The following CTNNA3 variants were observed in gnomAD, a reference collection of about 807,000 sequenced individuals.
The protein encoded by CTNNA3 is catenin alpha 3, also known as catenin alpha-3.
A neutral mutation model predicts 95.7 loss-of-function variants in CTNNA3; 76 were observed. The ratio of observed to expected loss-of-function variants is 0.79; its 90% CI spans 0.66 to 0.96. CTNNA3 has a LOEUF of 0.96. Ranked by LOEUF, CTNNA3 falls within the 40% of genes least tolerant of loss-of-function variation. The pLI is 0.00. For missense variants in CTNNA3, 1,191 were observed against 1,089.8 expected (o/e 1.09, Z -1.31); for synonymous variants, 431 against 374.4 (o/e 1.15, Z -1.74).
intron 7 of CTNNA3, among the ~76,000 whole-genome samples, chr10:67,007,126 G>T (rs975126903): frequency 9.9e-5 from 15 of 152,022 alleles, no homozygotes; most frequent in Admixed American, 3.3e-4. Flanking sequence ...ATTGCTTATT[G>T]GTTCTTCACT....
chr10:67,526,153 C>T lies in CTNNA3; in HGVS notation c.460-4192G>A, dbSNP rs1365669470. 9.2e-5 allele frequency among the ~76,000 whole-genome samples: 14 copies of T among 152,190 alleles called. No individual in the cohort carries two copies. In the East Asian group the frequency reaches 2.7e-3, roughly 29 times the overall value. ...GTTTTAAGCATAAGAAATAGCTAAT[C>T]TACCTTACTTAAATATGGCAACCAC... is the stretch of plus-strand genomic sequence containing the variant. On this transcript the variant is annotated intron_variant, in intron 4 of 17. Transcript: ENST00000433211.
chr10:67,714,036 G>T (rs1308000062), intron 1 of CTNNA3, among the ~76,000 whole-genome samples: 2 of 152,192 alleles, frequency 1.3e-5, no homozygotes, highest in African/African-American at 4.8e-5. Flanking sequence ...CCACCAGGCA[G>T]AAGTTTGCTG....
intron 13 of CTNNA3, among the ~76,000 whole-genome samples, chr10:66,210,459 T>C (rs892846899): frequency 6.6e-6 from 1 of 152,086 alleles, no homozygotes; most frequent in African/African-American, 2.4e-5. Flanking sequence ...GCCCAAGTTA[T>C]TACATAATGT....
In CTNNA3 at chr10:66,176,422, G is replaced by T. The variant is rs536650419; in HGVS notation, c.1885-73173C>A. On this transcript the variant is annotated intron_variant, in intron 13 of 17. Transcript: ENST00000433211. ...CTGCAAATAGTTTCTTATGAAAAAA[G>T]ATGCTCTTACATAAAAGGAACTATT... 5.9e-5 allele frequency among the ~76,000 whole-genome samples: 9 copies of T among 151,880 alleles called. No individual in the cohort carries two copies. The South Asian group carries it at 1.7e-3, about 28-fold the overall frequency.
chr10:67,640,377 A>T (rs1396571228), intron 2 of CTNNA3, among the ~76,000 whole-genome samples: 2 of 152,240 alleles, frequency 1.3e-5, no homozygotes, highest in African/African-American at 4.8e-5. Context: ...ATGGAAGAAC[A>T]TTCCATGCTC....
chr10:66,819,816 T>G (rs61868496), intron 7 of CTNNA3, among the ~76,000 whole-genome samples: 6,817 of 152,206 alleles, frequency 0.045, 238 homozygotes, highest in Non-Finnish European at 0.062. Flanking sequence ...TGACTATAAT[T>G]TAAAACACAG....
intron 11 of CTNNA3, among the ~76,000 whole-genome samples, chr10:66,381,966 A>G (rs1018168914): frequency 5.9e-5 from 9 of 152,306 alleles, no homozygotes; most frequent in African/African-American, 1.9e-4. Context: ...TCACCTAACC[A>G]AGATGGCCAA....
intron 7 of CTNNA3, among the ~76,000 whole-genome samples, chr10:66,858,645 C>A (rs539393889): frequency 6.6e-6 from 1 of 152,004 alleles, no homozygotes; most frequent in Non-Finnish European, 1.5e-5. Flanking sequence ...TTCTATGTTT[C>A]CAAAAATTTA....
At chr10:67,272,498 A>G (rs1322854485) in intron 5 of CTNNA3, among the ~76,000 whole-genome samples, 1 of 152,204 alleles carries the variant, frequency 6.6e-6, no homozygotes, top group Non-Finnish European at 1.5e-5. Flanking sequence ...GGCTGTAGTC[A>G]GCTATCATTG....
At chr10:66,744,505 T>C (rs1849437103) in intron 9 of CTNNA3, among the ~76,000 whole-genome samples, 2 of 152,286 alleles carry the variant, frequency 1.3e-5, no homozygotes, top group South Asian at 4.1e-4. Context: ...GGTTGTCCTG[T>C]CTTGTGATTC....
At chr10:66,257,694 A>G (rs1444275579) in intron 13 of CTNNA3, among the ~76,000 whole-genome samples, 2 of 152,202 alleles carry the variant, frequency 1.3e-5, no homozygotes, top group African/African-American at 2.4e-5. Context: ...GAAGCATGAA[A>G]AGAGTTACAG....
rs752900761 is a variant in CTNNA3, at chr10:65,966,608, TC to T, written c.2400+3del. 3 of 1,612,950 alleles carry T rather than the reference TC, an allele frequency of 1.9e-6. No individual in the cohort carries two copies. On this transcript the variant is annotated splice_donor_region_variant and intron_variant, in intron 17 of 17. Coordinates refer to ENST00000433211, the MANE Select transcript of CTNNA3 (RefSeq NM_013266.4). ...TGATCATGTAAGTGCTAGGCAGTAC[TC>T]ACAGCTGACATGATGAGCTCTCCTC...
At chr10:66,196,899 G>A (rs1366083073) in intron 13 of CTNNA3, among the ~76,000 whole-genome samples, 1 of 152,148 alleles carries the variant, frequency 6.6e-6, no homozygotes, top group Non-Finnish European at 1.5e-5. Flanking sequence ...TAGTGAATGG[G>A]GGCCCAGTAG....
intron 5 of CTNNA3, among the ~76,000 whole-genome samples, chr10:67,466,246 T>A (rs188601968): frequency 0.013 from 1,917 of 152,316 alleles, 23 homozygotes; most frequent in Non-Finnish European, 0.019. Context: ...TATGCCCAGA[T>A]TCTTTTTTAA....
intron 7 of CTNNA3, among the ~76,000 whole-genome samples, chr10:67,150,149 A>C (rs1253310158): frequency 6.6e-6 from 1 of 152,150 alleles, no homozygotes; most frequent in Non-Finnish European, 1.5e-5. Context: ...TAAGGATAAA[A>C]ATTATTTTTA....
intron 5 of CTNNA3, among the ~76,000 whole-genome samples, chr10:67,520,340 A>T (rs1182687284): frequency 6.6e-6 from 1 of 152,158 alleles, no homozygotes; most frequent in East Asian, 1.9e-4. Context: ...ACATTCTTCC[A>T]AATTCACAAT....
chr10:66,534,446 C>A (rs1292669148), intron 10 of CTNNA3, among the ~76,000 whole-genome samples: 3 of 148,510 alleles, frequency 2.0e-5, no homozygotes, highest in African/African-American at 7.5e-5. Flanking sequence ...ATTTTCCCAA[C>A]TAGGATAGGA....
intron 11 of CTNNA3, among the ~76,000 whole-genome samples, chr10:66,400,560 T>C (rs1489798538): frequency 2.0e-5 from 3 of 152,042 alleles, no homozygotes; most frequent in African/African-American, 7.2e-5. Flanking sequence ...AATACACATA[T>C]TCATAAGTGG....
chr10:67,476,680 G>C (rs1222460515), intron 5 of CTNNA3, among the ~76,000 whole-genome samples: 1 of 151,170 alleles, frequency 6.6e-6, no homozygotes, highest in Non-Finnish European at 1.5e-5. Context: ...AGATCTCCAG[G>C]TGTTTGGAGA....
Sources: allele counts gnomAD v4.1 joint callset (sites outside exome capture counted in the v4.1 genomes callset), GRCh38; gene constraint gnomAD v4.1.1; transcripts MANE v1.5; gene names NCBI Gene and HGNC (gene_info 2026-07-23, HGNC 2026-07-21).